The following TM9SF4 variants were observed in gnomAD, a reference collection of about 807,000 sequenced individuals.
The protein encoded by TM9SF4 is dinucleotide oxidase disulfide thiol exchanger 3 superfamily member 4.
A neutral mutation model predicts 90.4 loss-of-function variants in TM9SF4; 26 were observed. That is an observed-to-expected ratio of 0.29 (90% confidence interval 0.21 to 0.40). TM9SF4 has a LOEUF of 0.40. Ranked by LOEUF, TM9SF4 falls within the 10% of genes least tolerant of loss-of-function variation. TM9SF4 has a pLI of 1.00. For synonymous variants in TM9SF4, 293 were observed against 315.4 expected, an observed-to-expected ratio of 0.93 and a Z score of 0.75; for missense variants, 549 against 834.8, an observed-to-expected ratio of 0.66 and a Z score of 4.22.
Position 32,132,558 on chromosome 20 carries a change from G to A in TM9SF4, c.16-455G>A, listed in dbSNP as rs558668026. 2.0e-5 allele frequency among the ~76,000 whole-genome samples: 3 copies of A among 152,324 alleles called. No homozygotes were observed. In the East Asian group the frequency reaches 5.8e-4, roughly 29 times the overall value. ...CTGAGCGAGGAGGAGAGTGGGAGGT[G>A]AGAGAGGCCAGCACGGTTTTGGAGA... On this transcript the variant is annotated intron_variant, in intron 1 of 17. Transcript: ENST00000398022.
chr20:32,146,893 G>A, intron 9 of TM9SF4, 38 bp downstream of exon 9: 1 of 1,593,998 alleles, frequency 6.3e-7, no homozygotes, highest in Non-Finnish European at 8.6e-7. Context: ...AAGTTGGATG[G>A]GGAGGGGAGG....
At position 32,115,807 on chromosome 20, in the gene TM9SF4, C is replaced by CTTTTTTTTT. The variant is rs386393622; in HGVS notation, c.15+6068_15+6076dup. 2.3e-4 allele frequency among the ~76,000 whole-genome samples: 22 copies of CTTTTTTTTT among 95,166 alleles called. 2 individuals are homozygous for CTTTTTTTTT. The highest frequency in any genetic ancestry group is 2.9e-4 in the African/African-American group (6 of 20,724). The allele number at this position is 95,166 out of a possible 152,430, so 62.4% of individuals were successfully genotyped here. A position where few individuals can be genotyped will look rare whatever the true frequency, so the allele number is the denominator to read the frequency against. On this transcript the variant is annotated intron_variant, in intron 1 of 17. Transcript: ENST00000398022. The stretch of plus-strand genomic sequence containing the variant: ...TAATAACAAAACCTACCACTTTAAG[C>CTTTTTTTTT]TTTTTTTTTTTTTTTTTTTTTTTTG...
chr20:32,141,181 C>T (rs1210592748), intron 3 of TM9SF4, among the ~76,000 whole-genome samples: 3 of 141,034 alleles, frequency 2.1e-5, no homozygotes, highest in Non-Finnish European at 3.0e-5. Context: ...CGTGCCACTG[C>T]ACTCCAGCCT....
At chr20:32,161,944 C>T (rs1164252353) in intron 17 of TM9SF4, among the ~76,000 whole-genome samples, 1 of 152,190 alleles carries the variant, frequency 6.6e-6, no homozygotes, top group Non-Finnish European at 1.5e-5. Flanking sequence ...TGTGACCCCA[C>T]ATAGGTAAAG....
chr20:32,121,275 C>T (rs2046302680), intron 1 of TM9SF4, among the ~76,000 whole-genome samples: 1 of 147,318 alleles, frequency 6.8e-6, no homozygotes, highest in African/African-American at 2.5e-5. Flanking sequence ...GGTCATAGGA[C>T]AATAGTGGAG....
intron 12 of TM9SF4, among the ~76,000 whole-genome samples, chr20:32,154,265 C>T (rs2046885040): frequency 6.6e-6 from 1 of 151,762 alleles, no homozygotes; most frequent in Admixed American, 6.6e-5. Flanking sequence ...CCATCTGTTT[C>T]AGCCTCCCAA....
At chr20:32,163,258 A>AT (rs1444205932) in intron 17 of TM9SF4, among the ~76,000 whole-genome samples, 1 of 101,560 alleles carries the variant, frequency 9.8e-6, no homozygotes, top group African/African-American at 4.3e-5. Context: ...AAAAAAAAAA[A>AT]AAAAAAAAAA....
At chr20:32,111,106 T>TA (rs2046136215) in intron 1 of TM9SF4, among the ~76,000 whole-genome samples, 1 of 152,212 alleles carries the variant, frequency 6.6e-6, no homozygotes, top group South Asian at 2.1e-4. Context: ...ACTGAGAACT[T>TA]ACCTTTGTTT....
intron 12 of TM9SF4, 57 bp from the exon 13 acceptor site, chr20:32,155,046 G>A: frequency 6.8e-7 from 1 of 1,468,794 alleles, no homozygotes; most frequent in Non-Finnish European, 9.5e-7. Flanking sequence ...GGCCCCACCG[G>A]GACAGGTAGG....
intron 2 of TM9SF4, among the ~76,000 whole-genome samples, chr20:32,134,289 C>T (rs1412748025): frequency 2.0e-5 from 3 of 152,086 alleles, no homozygotes; most frequent in African/African-American, 4.8e-5. Context: ...TGGGAGGCAA[C>T]GTAAAGGTGG....
chr20:32,135,937 G>A, intron 2 of TM9SF4, 137 bp from the exon 3 acceptor site: 1 of 633,348 alleles, frequency 1.6e-6, no homozygotes, highest in South Asian at 2.1e-5. Flanking sequence ...AGAATTGTGG[G>A]CAGTACATTA....
intron 1 of TM9SF4, among the ~76,000 whole-genome samples, chr20:32,127,345 C>T (rs6058529): frequency 6.6e-6 from 1 of 152,292 alleles, no homozygotes; most frequent in East Asian, 1.9e-4. Flanking sequence ...AAAGAGCATC[C>T]TTGTTCCTCC....
intron 1 of TM9SF4, among the ~76,000 whole-genome samples, chr20:32,125,768 G>C (rs1165256399): frequency 2.0e-5 from 3 of 148,034 alleles, no homozygotes; most frequent in Non-Finnish European, 4.4e-5. Flanking sequence ...CACTGACTCA[G>C]GTGATCCCTC....
chr20:32,142,947 T>G (rs2046701555), intron 5 of TM9SF4, 35 bp from the exon 6 acceptor site: 1 of 1,609,048 alleles, frequency 6.2e-7, no homozygotes, highest in Admixed American at 1.7e-5. Flanking sequence ...CCCTAAGTGA[T>G]GTTCTGTTGT....
chr20:32,109,861 T>C lies in TM9SF4; in HGVS notation c.15+106T>C, dbSNP rs189469714. On this transcript the variant is annotated intron_variant, in intron 1 of 17. Transcript: ENST00000398022. ...GGCCCTGAGCCACCTCCGGGACCCC[T>C]GACTCAGGCCTGAGGGCTACCTCTG... The C allele has an allele frequency of 2.4e-4, 369 of 1,541,182 alleles. 1 individual carries two copies. In the African/African-American group the frequency reaches 4.6e-3, roughly 19 times the overall value.
At chr20:32,131,582 C>G (rs1315042443) in intron 1 of TM9SF4, among the ~76,000 whole-genome samples, 4 of 151,602 alleles carry the variant, frequency 2.6e-5, no homozygotes, top group Admixed American at 2.6e-4. Flanking sequence ...GACAGGTGAT[C>G]AGGAGGCTGT....
chr20:32,121,592 A>T lies in TM9SF4; in HGVS notation c.16-11421A>T, dbSNP rs536318841. 3.3e-5 allele frequency among the ~76,000 whole-genome samples: 5 copies of T among 152,068 alleles called. No individual in the cohort carries two copies. In the East Asian group the frequency reaches 9.7e-4, roughly 29 times the overall value. On this transcript the variant is annotated intron_variant, in intron 1 of 17. Transcript: ENST00000398022. Reference sequence around the variant, plus strand: ...TACAGAACAAAATGAAAAGTCTCCCATGTCTACTTCTTTCTACACAGACAA... The same window carrying T: ...TACAGAACAAAATGAAAAGTCTCCCTTGTCTACTTCTTTCTACACAGACAA...
chr20:32,151,816 G>A lies in TM9SF4; in HGVS notation c.1245+941G>A, dbSNP rs537835370. 1.3e-5 allele frequency among the ~76,000 whole-genome samples: 2 copies of A among 151,780 alleles called. 1 individual carries two copies. The highest frequency in any genetic ancestry group is 4.2e-4 in the South Asian group (2 of 4,788). On this transcript the variant is annotated intron_variant, in intron 12 of 17. Transcript: ENST00000398022. The stretch of plus-strand genomic sequence containing the variant: ...CCTGCCTCAGCCTCCCGAGTAGCTG[G>A]GATTACAGGCATGTGCCACCATGCC...
At chr20:32,163,900 C>T (rs560527201) in intron 17 of TM9SF4, among the ~76,000 whole-genome samples, 18 of 152,084 alleles carry the variant, frequency 1.2e-4, no homozygotes, top group Middle Eastern at 3.4e-3. Flanking sequence ...CGTGAGCCAC[C>T]GCACCTGGCC....
Sources: gnomAD v4.1 joint callset for allele counts (sites outside exome capture counted in the v4.1 genomes callset) on GRCh38, gnomAD v4.1.1 for gene constraint, MANE v1.5 for transcripts, NCBI Gene and HGNC (gene_info 2026-07-23, HGNC 2026-07-21) for gene names.